The following RAB38 variants were observed in gnomAD, a reference collection of about 807,000 sequenced individuals.
The protein encoded by RAB38 is ras-related protein Rab-38.
A neutral mutation model predicts 18.4 loss-of-function variants in RAB38; 15 were observed. That is an observed-to-expected ratio of 0.82 (90% CI 0.55 to 1.26). RAB38 has a LOEUF of 1.26. RAB38 is among the 50% of genes most tolerant of loss of function. The pLI, the probability that RAB38 is intolerant of heterozygous loss-of-function variation, is 0.00. For synonymous variants in RAB38, 101 were observed against 104.4 expected, an observed-to-expected ratio of 0.97 and a Z score of 0.20; for missense variants, 294 against 267.4, an observed-to-expected ratio of 1.10 and a Z score of -0.69.
the RAB38 span, chr11:88,061,680 A>G: frequency 6.6e-6 from 1 of 151,852 alleles, no homozygotes; most frequent in Admixed American, 6.6e-5. Context: ...TTTCCACAGG[A>G]CCTAGAGAAG....
chr11:87,869,505 T>C, the RAB38 span, among the ~76,000 whole-genome samples: 1 of 151,668 alleles, frequency 6.6e-6, no homozygotes, highest in African/African-American at 2.4e-5. Context: ...TTAACACAAG[T>C]ATCAAATCAT....
chr11:87,972,241 A>T, the RAB38 span, among the ~76,000 whole-genome samples: 1 of 151,966 alleles, frequency 6.6e-6, no homozygotes, highest in Non-Finnish European at 1.5e-5. Context: ...AGGTGATTAC[A>T]CCTCCTCTAC....
At chr11:88,041,477 C>T in the RAB38 span, among the ~76,000 whole-genome samples, 1,016 of 152,304 alleles carry the variant, frequency 6.7e-3, 15 homozygotes, top group African/African-American at 0.023. Flanking sequence ...TTTACCCAAA[C>T]GATTCAGAGT....
At chr11:88,041,655 C>A in the RAB38 span, among the ~76,000 whole-genome samples, 1,322 of 152,216 alleles carry the variant, frequency 8.7e-3, 73 homozygotes, top group Non-Finnish European at 2.6e-3. Context: ...ACATGCCTAG[C>A]CCGTGAAATT....
the RAB38 span, among the ~76,000 whole-genome samples, chr11:87,884,937 G>C: frequency 1.3e-5 from 2 of 151,852 alleles, no homozygotes; most frequent in African/African-American, 4.8e-5. Context: ...ATTTAACTGT[G>C]GGTTTGCTGT....
At chr11:88,088,651 G>A in the RAB38 span, among the ~76,000 whole-genome samples, 27 of 151,826 alleles carry the variant, frequency 1.8e-4, no homozygotes, top group Admixed American at 1.1e-3. Flanking sequence ...CTGGTTTCCT[G>A]TCACGACCAG....
At chr11:88,106,995 C>A in the RAB38 span, among the ~76,000 whole-genome samples, 1 of 152,088 alleles carries the variant, frequency 6.6e-6, no homozygotes, top group African/African-American at 2.4e-5. Flanking sequence ...AAGAGGCACA[C>A]TCTAAAATTC....
At chr11:87,881,505 A>G in the RAB38 span, among the ~76,000 whole-genome samples, 220 of 151,982 alleles carry the variant, frequency 1.4e-3, 2 homozygotes, top group Non-Finnish European at 2.5e-4. Context: ...ATCATGTCAC[A>G]TAGTGATCTG....
At chr11:88,053,314 A>G in the RAB38 span, among the ~76,000 whole-genome samples, 1 of 125,684 alleles carries the variant, frequency 8.0e-6, no homozygotes, top group African/African-American at 3.1e-5. Context: ...TATATATGGA[A>G]TATATATATA....
chr11:87,832,102 T>G, the RAB38 span, among the ~76,000 whole-genome samples: 1 of 152,212 alleles, frequency 6.6e-6, no homozygotes, highest in Non-Finnish European at 1.5e-5. Flanking sequence ...GCTATTTAAA[T>G]GTTCACTGCC....
chr11:88,054,033 T>C, the RAB38 span, among the ~76,000 whole-genome samples: 1 of 152,202 alleles, frequency 6.6e-6, no homozygotes, highest in Admixed American at 6.5e-5. Flanking sequence ...AAACCTGCCT[T>C]GATCTCATGT....
chr11:88,009,888 A>G, the RAB38 span, among the ~76,000 whole-genome samples: 1 of 152,108 alleles, frequency 6.6e-6, no homozygotes, highest in Admixed American at 6.6e-5. Context: ...TGGATTTCAG[A>G]TCTTTTTGGA....
chr11:87,968,259 G>A, the RAB38 span, among the ~76,000 whole-genome samples: 1 of 152,068 alleles, frequency 6.6e-6, no homozygotes, highest in East Asian at 1.9e-4. Context: ...CAACAGTAAG[G>A]GAGTAAAATC....
At chr11:87,977,934 TATATA>T in the RAB38 span, among the ~76,000 whole-genome samples, 1 of 113,142 alleles carries the variant, frequency 8.8e-6, no homozygotes, top group African/African-American at 3.6e-5. Context: ...GTGACACCTT[TATATA>T]ATATATTAAT....
chr11:88,134,014 C>T (rs1792776759), intron 2 of RAB38, among the ~76,000 whole-genome samples: 1 of 152,136 alleles, frequency 6.6e-6, no homozygotes, highest in Admixed American at 6.5e-5. Context: ...AATCTCATTC[C>T]AAAGGGATCT....
chr11:87,816,307 T>G, the RAB38 span: 1 of 152,406 alleles, frequency 6.6e-6, no homozygotes, highest in Non-Finnish European at 1.5e-5. Context: ...TTTGTGGGGG[T>G]CTAGTGTTAA....
chr11:88,049,838 T>C, the RAB38 span, among the ~76,000 whole-genome samples: 8 of 152,220 alleles, frequency 5.3e-5, no homozygotes, highest in African/African-American at 1.9e-4. Flanking sequence ...CTGGGCCAAA[T>C]GTAGGTTAAA....
At chr11:88,073,737 C>A in the RAB38 span, among the ~76,000 whole-genome samples, 1 of 147,490 alleles carries the variant, frequency 6.8e-6, no homozygotes, top group Admixed American at 6.8e-5. Context: ...ACAAAAAATT[C>A]AAAATAGTAG....
the RAB38 span, among the ~76,000 whole-genome samples, chr11:88,022,407 A>T: frequency 5.6e-4 from 85 of 151,998 alleles, no homozygotes; most frequent in African/African-American, 2.0e-3. Context: ...TGAATGGGGA[A>T]AAACTGAAAA....
Sources: allele counts gnomAD v4.1 joint callset (sites outside exome capture counted in the v4.1 genomes callset), GRCh38; gene constraint gnomAD v4.1.1; transcripts MANE v1.5; gene names NCBI Gene and HGNC (gene_info 2026-07-23, HGNC 2026-07-21).